CFAP43: variants seen among roughly 807,000 people sequenced by gnomAD.
The protein encoded by CFAP43 is cilia- and flagella-associated protein 43.
CFAP43 carries 155 observed loss-of-function variants against 218.9 expected under a neutral mutation model. The ratio of observed to expected loss-of-function variants is 0.71; its 90% CI spans 0.62 to 0.81. The LOEUF is 0.81. CFAP43 is among the 30% of genes least tolerant of loss of function. The pLI, the probability that CFAP43 is intolerant of heterozygous loss-of-function variation, is 0.00. For synonymous variants in CFAP43, 645 were observed against 681.3 expected (o/e 0.95, Z 0.83); for missense variants, 1,778 against 1,954.3 (o/e 0.91, Z 1.70).
At chr10:104,163,414 G>A (rs2088981260) in intron 24 of CFAP43, among the ~76,000 whole-genome samples, 1 of 152,124 alleles carries the variant, frequency 6.6e-6, no homozygotes, top group African/African-American at 2.4e-5. Flanking sequence ...AGTCAAGTTG[G>A]TTTTATGTGA....
chr10:104,133,433 G>T (rs140086943), intron 35 of CFAP43, 187 bp downstream of exon 35: 30 of 527,628 alleles, frequency 5.7e-5, no homozygotes, highest in African/African-American at 5.1e-4. Flanking sequence ...CTACTAAATG[G>T]GTCATGAAGA....
At chr10:104,147,859 G>T in intron 29 of CFAP43, 32 bp downstream of exon 29, 2 of 1,471,194 alleles carry the variant, frequency 1.4e-6, no homozygotes, top group Non-Finnish European at 1.9e-6. Context: ...ATCAGAAAAT[G>T]CTTGTATTCA....
At chr10:104,159,889 T>A (rs1483414657) in intron 27 of CFAP43, among the ~76,000 whole-genome samples, 1 of 152,092 alleles carries the variant, frequency 6.6e-6, no homozygotes, top group African/African-American at 2.4e-5. Flanking sequence ...CCTGCATTTT[T>A]AACAAATCCC....
chr10:104,193,754 T>A, intron 11 of CFAP43, 112 bp downstream of exon 11: 1 of 1,378,074 alleles, frequency 7.3e-7, no homozygotes, highest in Non-Finnish European at 9.7e-7. Context: ...ATATTAACAT[T>A]CAAAACAAAT....
intron 35 of CFAP43, among the ~76,000 whole-genome samples, 164 bp from the exon 36 acceptor site, chr10:104,132,360 C>T (rs570956736): frequency 1.3e-5 from 2 of 152,088 alleles, no homozygotes; most frequent in South Asian, 4.2e-4. Context: ...GCTTGTAATC[C>T]CAGCACTTTG....
chr10:104,152,600 T>C lies in CFAP43; in HGVS notation c.3660+7A>G, dbSNP rs747252511. 15 of 1,612,804 alleles carry C rather than the reference T, an allele frequency of 9.3e-6. No individual in the cohort carries two copies. The East Asian group carries it at 3.1e-4, about 34-fold the overall frequency. ...TTAAAAGTCACATAAGTAAAGCTTT[T>C]ATTTACCTGGTTGGTAACCATCTCT... is the stretch of plus-strand genomic sequence containing the variant. On this transcript the variant is annotated splice_region_variant and intron_variant, in intron 28 of 37. Coordinates refer to ENST00000357060, the MANE Select transcript of CFAP43 (RefSeq NM_025145.7).
chr10:104,187,319 C>G lies in CFAP43; in HGVS notation c.1860+1G>C. The G allele has an allele frequency of 5.6e-6, 9 of 1,593,998 alleles. No homozygotes were observed. Among genetic ancestry groups the G allele is most frequent in the Non-Finnish European group, 7.7e-6 (9 of 1,173,706 alleles). ...GAGAGCACACTTAAGTGTTGACATA[C>G]TTCTTCAGGAAGAAGGTAGCTACAG... On this transcript the variant is annotated splice_donor_variant, in intron 14 of 37. Coordinates refer to ENST00000357060, the MANE Select transcript of CFAP43 (RefSeq NM_025145.7). LOFTEE classifies it high-confidence loss of function.
chr10:104,158,907 A>G (rs1303277709), intron 27 of CFAP43, among the ~76,000 whole-genome samples: 1 of 152,154 alleles, frequency 6.6e-6, no homozygotes, highest in African/African-American at 2.4e-5. Context: ...TATACAATAT[A>G]TATATAACAT....
intron 20 of CFAP43, among the ~76,000 whole-genome samples, chr10:104,171,561 C>A (rs1006518219): frequency 6.6e-6 from 1 of 152,220 alleles, no homozygotes; most frequent in Non-Finnish European, 1.5e-5. Context: ...TCCACCTTAA[C>A]TGTCCTTGAA....
rs2087104973 is a variant in CFAP43, at chr10:104,129,993, A to C, written c.*146T>G. 2 of 1,036,962 alleles carry C rather than the reference A, an allele frequency of 1.9e-6. No homozygotes were observed. Among genetic ancestry groups the C allele is most frequent in the Admixed American group, 7.5e-5 (2 of 26,768 alleles). 64.2% of individuals were successfully genotyped at this position (1,036,962 alleles called of 1,614,324 possible). The stretch of plus-strand genomic sequence containing the variant: ...AAAAATTTGTATACAATTAAGGCTA[A>C]AATTAAACAATTTTTTATCTAAAAC... On this transcript the variant is annotated 3_prime_UTR_variant, in exon 38 of 38. Transcript: ENST00000357060.
In CFAP43 at chr10:104,179,089, A is replaced by C; in HGVS notation, c.2400T>G (p.Val800=). The stretch of plus-strand genomic sequence containing the variant: ...CTTTCCTTTTCTTGGAAAACAGATT[A>C]ACCTCCTTTTTGATGGCCTGAAACA... The part of the protein sequence containing the change: ...QKSQEAIKKE[V]NLFSKKRKEI... Residue 800 remains valine, a synonymous_variant, in exon 19 of 38, where the codon GTT becomes GTG. Transcript: ENST00000357060. 1 of 1,613,330 alleles carries C rather than the reference A, an allele frequency of 6.2e-7. No individual in the cohort carries two copies. Among genetic ancestry groups the C allele is most frequent in the East Asian group, 2.2e-5 (1 of 44,790 alleles).
chr10:104,162,809 A>G (rs944063961), intron 24 of CFAP43, among the ~76,000 whole-genome samples: 2 of 151,640 alleles, frequency 1.3e-5, no homozygotes, highest in Admixed American at 6.6e-5. Context: ...AAGTTGGGCA[A>G]GAAAGGGGGT....
intron 17 of CFAP43, among the ~76,000 whole-genome samples, chr10:104,180,985 G>A (rs759203409): frequency 1.3e-5 from 2 of 151,944 alleles, no homozygotes; most frequent in Non-Finnish European, 2.9e-5. Context: ...AATCCCATCC[G>A]CATGCCCTTG....
chr10:104,192,156 G>C (rs754169783), intron 12 of CFAP43, 43 bp downstream of exon 12: 2 of 1,395,984 alleles, frequency 1.4e-6, no homozygotes, highest in African/African-American at 2.9e-5. Flanking sequence ...TAAATTCTTT[G>C]AAATAATCAA....
At chr10:104,217,712 C>T (rs1211052984) in intron 3 of CFAP43, among the ~76,000 whole-genome samples, 1 of 152,158 alleles carries the variant, frequency 6.6e-6, no homozygotes, top group Non-Finnish European at 1.5e-5. Context: ...AGTGATACAT[C>T]AGGTCAGCTG....
At position 104,148,017 on chromosome 10, in the gene CFAP43, A is replaced by G. The variant is rs1403416693; in HGVS notation, c.3661-19T>C. The G allele has an allele frequency of 6.6e-6, 10 of 1,519,732 alleles. No homozygotes were observed. The highest frequency in any genetic ancestry group is 8.0e-6 in the Non-Finnish European group (9 of 1,123,588). 94.1% of individuals were successfully genotyped at this position (1,519,732 alleles called of 1,614,324 possible). A position where few individuals can be genotyped will look rare whatever the true frequency, so the allele number is the denominator to read the frequency against. ...GTTCCTCCTGTAGAAATATTTAAGA[A>G]AAAGGTTGGTGGAATTACTTCCACC... On this transcript the variant is annotated intron_variant, in intron 28 of 37. Transcript: ENST00000357060.
intron 3 of CFAP43, among the ~76,000 whole-genome samples, chr10:104,217,855 C>A (rs2091058452): frequency 6.6e-6 from 1 of 152,228 alleles, no homozygotes; most frequent in Admixed American, 6.5e-5. Flanking sequence ...ATAATTAATA[C>A]CCTTAATACA....
intron 4 of CFAP43, 72 bp downstream of exon 4, chr10:104,214,187 A>G: frequency 7.0e-7 from 1 of 1,436,910 alleles, no homozygotes; most frequent in Non-Finnish European, 9.3e-7. Context: ...AATTCATCAA[A>G]TTGACCCAAT....
At chr10:104,172,340 T>C in intron 20 of CFAP43, 70 bp downstream of exon 20, 1 of 1,551,560 alleles carries the variant, frequency 6.4e-7, no homozygotes, top group East Asian at 2.3e-5. Flanking sequence ...TATGAAAAAG[T>C]TCCCATTCCT....
Sources: allele counts gnomAD v4.1 joint callset (sites outside exome capture counted in the v4.1 genomes callset), GRCh38; gene constraint gnomAD v4.1.1; transcripts MANE v1.5; gene names NCBI Gene and HGNC (gene_info 2026-07-23, HGNC 2026-07-21).